BLK: variants seen among roughly 807,000 people sequenced by gnomAD.
BLK encodes tyrosine-protein kinase Blk.
In BLK, 64 loss-of-function variants were observed where a neutral mutation model predicts 61.8. That is an observed-to-expected ratio of 1.03 (90% CI 0.85 to 1.27). The LOEUF (loss-of-function observed/expected upper bound fraction) is 1.27. Ranked by LOEUF, BLK falls within the 50% of genes most tolerant of loss-of-function variation. The probability of loss-of-function intolerance (pLI) is 0.00; values close to 1 mark genes in which losing one functional copy is unlikely to be tolerated. For synonymous variants in BLK, 351 were observed against 272.0 expected, an observed-to-expected ratio of 1.29 and a Z score of -2.86; for missense variants, 853 against 660.5, an observed-to-expected ratio of 1.29 and a Z score of -3.19.
In BLK at chr8:11,518,430, G is replaced by T. The variant is rs144749912; in HGVS notation, c.-2+23839G>T. 1.6e-3 allele frequency among the ~76,000 whole-genome samples: 241 copies of T among 152,266 alleles called. 1 individual carries two copies. Among genetic ancestry groups the T allele is most frequent in the Admixed American group, 5.2e-3 (80 of 15,300 alleles). ...ACAGACACCCCACTGTAGGTGGATT[G>T]GTGGGGGGCAGAAGATTTTAATCTT... is the stretch of plus-strand genomic sequence containing the variant. On this transcript the variant is annotated intron_variant, in intron 1 of 12. Transcript: ENST00000259089.
At chr8:11,554,684 C>T in intron 6 of BLK, 59 bp from the exon 7 acceptor site, 2 of 1,596,928 alleles carry the variant, frequency 1.3e-6, no homozygotes, top group South Asian at 1.1e-5. Flanking sequence ...GCCCAAATCC[C>T]AGTCCCGTTT....
intron 10 of BLK, among the ~76,000 whole-genome samples, chr8:11,559,272 G>A (rs528967574): frequency 6.6e-6 from 1 of 151,896 alleles, no homozygotes; most frequent in Non-Finnish European, 1.5e-5. Context: ...CATGCCAATG[G>A]CTCTCTAAGC....
intron 1 of BLK, among the ~76,000 whole-genome samples, chr8:11,525,896 C>G (rs1799634834): frequency 6.6e-6 from 1 of 152,162 alleles, no homozygotes; most frequent in South Asian, 2.1e-4. Flanking sequence ...AGGCACCCAC[C>G]ACCATGTCCG....
At chr8:11,518,563 C>A (rs985763760) in intron 1 of BLK, among the ~76,000 whole-genome samples, 6 of 152,064 alleles carry the variant, frequency 3.9e-5, no homozygotes, top group Non-Finnish European at 7.4e-5. Context: ...ACTAACAATG[C>A]CCTAGCTCTG....
At chr8:11,557,540 T>G (rs74492207) in intron 9 of BLK, among the ~76,000 whole-genome samples, 164 of 152,154 alleles carry the variant, frequency 1.1e-3, no homozygotes, top group African/African-American at 3.9e-3. Flanking sequence ...TTCTCTCCAT[T>G]CTGGTGCTTT....
Position 11,563,121 on chromosome 8 carries a change from C to T in BLK, c.1312+11C>T, listed in dbSNP as rs747429771. The T allele has an allele frequency of 6.2e-7, 1 of 1,613,490 alleles. No homozygotes were observed. Among genetic ancestry groups the T allele is most frequent in the Non-Finnish European group, 8.5e-7 (1 of 1,179,994 alleles). ...GGGTGCCATACCCAGGTAGGTGGCT[C>T]ACCCCGCAGCTCGCGGCTCCCTGCT... On this transcript the variant is annotated intron_variant, in intron 12 of 12. Coordinates refer to ENST00000259089, the MANE Select transcript of BLK (RefSeq NM_001715.3).
At chr8:11,530,669 T>C (rs1799848216) in intron 1 of BLK, among the ~76,000 whole-genome samples, 3 of 76,610 alleles carry the variant, frequency 3.9e-5, no homozygotes, top group African/African-American at 1.2e-4. Context: ...TTGTTAAAAG[T>C]TGTAAATAGC....
chr8:11,500,607 C>G (rs1225908887), intron 1 of BLK, among the ~76,000 whole-genome samples: 3 of 151,582 alleles, frequency 2.0e-5, no homozygotes, highest in African/African-American at 7.3e-5. Flanking sequence ...CCTCCACTTC[C>G]CCAGCTCAGG....
chr8:11,546,141 C>G, intron 3 of BLK, 38 bp downstream of exon 3: 1 of 1,610,058 alleles, frequency 6.2e-7, no homozygotes, highest in East Asian at 2.2e-5. Flanking sequence ...GCTCCACAGC[C>G]CTCTCCCCTA....
Position 11,561,460 on chromosome 8 carries a change from C to T in BLK, c.1180+8C>T. The T allele has an allele frequency of 1.9e-6, 3 of 1,613,448 alleles. No homozygotes were observed. The highest frequency in any genetic ancestry group is 2.2e-5 in the East Asian group (1 of 44,858). The stretch of plus-strand genomic sequence containing the variant: ...AATACACGGCCCAAGAGGGTAAGCA[C>T]AGCCCCTAACCACAAGGGAAACCTA... On this transcript the variant is annotated splice_region_variant and intron_variant, in intron 11 of 12. Transcript: ENST00000259089.
chr8:11,555,542 G>GA, intron 8 of BLK, 58 bp downstream of exon 8: 1 of 1,611,178 alleles, frequency 6.2e-7, no homozygotes. Context: ...GCCGCATCCT[G>GA]AGTCCAGGTT....
rs192086236 is a variant in BLK at position 11,540,314 on chromosome 8, A to G, written c.-1-2910A>G. The stretch of plus-strand genomic sequence containing the variant: ...CCACTTTCTACTGAATTAAAATGCT[A>G]TCTTTTTCACATACGCGATTCCTGT... On this transcript the variant is annotated intron_variant, in intron 1 of 12. Coordinates refer to ENST00000259089, the MANE Select transcript of BLK (RefSeq NM_001715.3). 2.2e-3 allele frequency among the ~76,000 whole-genome samples: 341 copies of G among 152,248 alleles called. 2 individuals are homozygous for G. The highest frequency in any genetic ancestry group is 7.3e-3 in the African/African-American group (305 of 41,558).
Position 11,494,402 on chromosome 8 carries a change from C to G in BLK, c.-191C>G, listed in dbSNP as rs2117215716. ...CTCTGATCGCAGACCGGGGGTGCTGCCACCTCTGTCTGCTGCCGGCAGAAA... is the reference window on the plus strand; with the variant it reads ...CTCTGATCGCAGACCGGGGGTGCTGGCACCTCTGTCTGCTGCCGGCAGAAA... On this transcript the variant is annotated 5_prime_UTR_variant, in exon 1 of 13. Transcript: ENST00000259089. 1 of 152,392 alleles carries G rather than the reference C, an allele frequency of 6.6e-6. No homozygotes were observed. The highest frequency in any genetic ancestry group is 1.5e-5 in the Non-Finnish European group (1 of 68,096). 9.4% of individuals were successfully genotyped at this position (152,392 alleles called of 1,614,324 possible).
At chr8:11,560,900 T>TC (rs1294104685) in intron 10 of BLK, 1 of 468,684 alleles carries the variant, frequency 2.1e-6, no homozygotes, top group Non-Finnish European at 4.3e-6. Context: ...GAGCTGTGCT[T>TC]CCAGCCAGCC....
At chr8:11,523,111 A>C (rs1799517897) in intron 1 of BLK, among the ~76,000 whole-genome samples, 3 of 152,242 alleles carry the variant, frequency 2.0e-5, no homozygotes, top group African/African-American at 4.8e-5. Flanking sequence ...TTTCTTAAAT[A>C]GTTGTATATT....
intron 11 of BLK, 35 bp from the exon 12 acceptor site, chr8:11,562,944 G>A (rs1401740069): frequency 7.4e-6 from 12 of 1,613,148 alleles, no homozygotes; most frequent in Admixed American, 3.3e-5. Context: ...GCCACCGGCC[G>A]TGGCCTCCCA....
chr8:11,496,680 C>T (rs1798370196), intron 1 of BLK, among the ~76,000 whole-genome samples: 1 of 152,196 alleles, frequency 6.6e-6, no homozygotes, highest in Non-Finnish European at 1.5e-5. Context: ...GACCTGACTC[C>T]TCTCCAGGAA....
intron 1 of BLK, among the ~76,000 whole-genome samples, chr8:11,496,711 G>A (rs1190296024): frequency 6.6e-6 from 1 of 152,202 alleles, no homozygotes; most frequent in Non-Finnish European, 1.5e-5. Flanking sequence ...AGCCAGGAAT[G>A]GAGAGAATGA....
intron 11 of BLK, among the ~76,000 whole-genome samples, chr8:11,562,343 T>C (rs11250148): frequency 0.43 from 64,595 of 151,692 alleles, 14,694 homozygotes; most frequent in East Asian, 0.92. Flanking sequence ...GCTGAGCCTA[T>C]GAGTCAGATG....
Sources: gnomAD v4.1 joint callset for allele counts (sites outside exome capture counted in the v4.1 genomes callset) on GRCh38, gnomAD v4.1.1 for gene constraint, MANE v1.5 for transcripts, NCBI Gene and HGNC (gene_info 2026-07-23, HGNC 2026-07-21) for gene names.